OLFM3: variants seen among roughly 807,000 people sequenced by gnomAD.
OLFM3 encodes olfactomedin 3, also known as noelin-3.
OLFM3 carries 20 observed loss-of-function variants against 48.6 expected under a neutral mutation model. The ratio of observed to expected loss-of-function variants is 0.41; its 90% confidence interval spans 0.29 to 0.60. OLFM3 has a LOEUF of 0.60. Among genes scored for constraint, OLFM3 ranks in the 20% least tolerant of loss-of-function variants. OLFM3 has a pLI of 0.28. For missense variants in OLFM3, 437 were observed against 544.3 expected, an observed-to-expected ratio of 0.80 and a Z score of 1.96; for synonymous variants, 222 against 198.1, an observed-to-expected ratio of 1.12 and a Z score of -1.01.
chr1:101,979,247 G>A (rs1661040335), intron 1 of OLFM3, among the ~76,000 whole-genome samples: 1 of 152,076 alleles, frequency 6.6e-6, no homozygotes, highest in South Asian at 2.1e-4. Flanking sequence ...TTCTTTCATA[G>A]TTATATCATA....
chr1:101,911,801 T>C (rs1354833661), intron 1 of OLFM3, among the ~76,000 whole-genome samples: 10 of 152,204 alleles, frequency 6.6e-5, no homozygotes. Context: ...ATTATTAATT[T>C]GAATACAGGC....
At chr1:101,821,344 T>TATATATAATATAACAAC (rs1553170167) in intron 4 of OLFM3, among the ~76,000 whole-genome samples, 2 of 151,986 alleles carry the variant, frequency 1.3e-5, no homozygotes, top group Non-Finnish European at 2.9e-5. Context: ...ATTTATGCAC[T>TATATATAATATAACAAC]ATATATAATA....
chr1:101,829,992 A>T (rs1206859279), intron 3 of OLFM3, among the ~76,000 whole-genome samples: 4 of 149,676 alleles, frequency 2.7e-5, no homozygotes, highest in Non-Finnish European at 5.9e-5. Flanking sequence ...CCACCACCAC[A>T]CCCGGCTAAT....
intron 4 of OLFM3, among the ~76,000 whole-genome samples, chr1:101,808,053 A>C (rs1469696605): frequency 6.6e-6 from 1 of 151,390 alleles, no homozygotes; most frequent in Non-Finnish European, 1.5e-5. Context: ...TAATCAACTG[A>C]TGATATGAGC....
In OLFM3 at chr1:101,929,632, G is replaced by C. The variant is rs7523905; in HGVS notation, c.69+67116C>G. 3.7e-3 allele frequency among the ~76,000 whole-genome samples: 567 copies of C among 152,060 alleles called. 1 individual carries two copies. Among genetic ancestry groups the C allele is most frequent in the Non-Finnish European group, 6.4e-3 (436 of 67,988 alleles). ...AAAATAACTTAGGAAAGCATTTAGG[G>C]CCCTATAAAATCAAATTTAGAATAC... On this transcript the variant is annotated intron_variant, in intron 1 of 5. Transcript: ENST00000370103.
At chr1:101,931,062 A>G (rs1418561656) in intron 1 of OLFM3, among the ~76,000 whole-genome samples, 1 of 152,202 alleles carries the variant, frequency 6.6e-6, no homozygotes, top group Non-Finnish European at 1.5e-5. Flanking sequence ...AGGCTTTTGA[A>G]TAGTATGTGG....
chr1:101,947,227 T>C (rs1273159514), intron 1 of OLFM3, among the ~76,000 whole-genome samples: 3 of 152,240 alleles, frequency 2.0e-5, no homozygotes, highest in African/African-American at 7.2e-5. Flanking sequence ...GCTTGGTTTG[T>C]TGCAAAAATA....
At chr1:101,990,953 C>CCAG (rs1291492025) in intron 1 of OLFM3, among the ~76,000 whole-genome samples, 1 of 132,490 alleles carries the variant, frequency 7.5e-6, no homozygotes, top group Non-Finnish European at 1.5e-5. Context: ...CCACTGCACT[C>CCAG]CAGCCTGGGC....
At chr1:101,859,612 AAAAATCC>A (rs1262210020) in intron 1 of OLFM3, among the ~76,000 whole-genome samples, 7 of 152,132 alleles carry the variant, frequency 4.6e-5, no homozygotes, top group Non-Finnish European at 7.3e-5. Flanking sequence ...TTTCTAATCC[AAAAATCC>A]AAAATCCAAA....
At chr1:101,878,863 A>G (rs1657404210) in intron 1 of OLFM3, among the ~76,000 whole-genome samples, 1 of 151,964 alleles carries the variant, frequency 6.6e-6, no homozygotes. Flanking sequence ...GAGAGCAGTT[A>G]TAGAAATAGC....
chr1:101,977,837 A>G (rs1660997141), intron 1 of OLFM3, among the ~76,000 whole-genome samples: 1 of 152,120 alleles, frequency 6.6e-6, no homozygotes, highest in South Asian at 2.1e-4. Context: ...CCATTGCTTC[A>G]TAAATTAACC....
At chr1:101,971,177 C>A (rs1270241341) in intron 1 of OLFM3, among the ~76,000 whole-genome samples, 12 of 152,144 alleles carry the variant, frequency 7.9e-5, no homozygotes, top group Non-Finnish European at 1.8e-4. Flanking sequence ...AAGTGGGCAT[C>A]AATTGTTCTG....
chr1:101,944,606 G>T (rs575551931), intron 1 of OLFM3, among the ~76,000 whole-genome samples: 11 of 152,280 alleles, frequency 7.2e-5, no homozygotes, highest in African/African-American at 2.6e-4. Flanking sequence ...GACGCCAGGT[G>T]CAGTGGCTCA....
In OLFM3 at chr1:101,895,138, C is replaced by T. The variant is rs964417312; in HGVS notation, c.70-58113G>A. Among the ~76,000 whole-genome samples, 6 of 152,046 alleles carry T rather than the reference C, an allele frequency of 3.9e-5. No homozygotes were observed. The East Asian group carries it at 9.6e-4, about 24-fold the overall frequency. ...TAAACCCTTTCTAAGAGTAATTATG[C>T]CCTTGTACATGCTGTATAACCTTTA... is the stretch of plus-strand genomic sequence containing the variant. On this transcript the variant is annotated intron_variant, in intron 1 of 5. Transcript: ENST00000370103.
chr1:101,943,835 A>G (rs1659867486), intron 1 of OLFM3, among the ~76,000 whole-genome samples: 1 of 151,832 alleles, frequency 6.6e-6, no homozygotes, highest in Non-Finnish European at 1.5e-5. Context: ...GTTATTGTAT[A>G]TTGGTATATT....
In OLFM3 at chr1:101,854,452, G is replaced by A. The variant is rs540782258; in HGVS notation, c.70-17427C>T. ...GCTCTATAAGCCCGGGGGATCCTCC[G>A]TTGGCAGCTGTTGTTGCTACTTCAA... On this transcript the variant is annotated intron_variant, in intron 1 of 5. Coordinates refer to ENST00000370103, the MANE Select transcript of OLFM3 (RefSeq NM_058170.4). Among the ~76,000 whole-genome samples, 329 of 152,154 alleles carry A rather than the reference G, an allele frequency of 2.2e-3. 1 individual carries two copies. Among genetic ancestry groups the A allele is most frequent in the African/African-American group, 7.4e-3 (309 of 41,554 alleles).
At chr1:101,838,263 T>TGGCCAGCCTGGTCTTGAATTCCTA (rs1655534790) in intron 1 of OLFM3, among the ~76,000 whole-genome samples, 1 of 152,208 alleles carries the variant, frequency 6.6e-6, no homozygotes, top group Non-Finnish European at 1.5e-5. Context: ...TTCACTATGT[T>TGGCCAGCCTGGTCTTGAATTCCTA]GGCCAGCCTG....
intron 1 of OLFM3, among the ~76,000 whole-genome samples, chr1:101,995,350 A>T (rs962148532): frequency 6.6e-6 from 1 of 152,134 alleles, no homozygotes; most frequent in African/African-American, 2.4e-5. Context: ...AGAAGAAAAA[A>T]AATTAAATAT....
intron 1 of OLFM3, among the ~76,000 whole-genome samples, chr1:101,960,115 G>A (rs1660424867): frequency 6.6e-6 from 1 of 152,070 alleles, no homozygotes; most frequent in South Asian, 2.1e-4. Flanking sequence ...AACGGGGCTG[G>A]GGCAAAACCT....
Sources: allele counts gnomAD v4.1 joint callset (sites outside exome capture counted in the v4.1 genomes callset), GRCh38; gene constraint gnomAD v4.1.1; transcripts MANE v1.5; gene names NCBI Gene and HGNC (gene_info 2026-07-23, HGNC 2026-07-21).